Variants in NALF1 observed in about 807,000 individuals in gnomAD.
The protein encoded by NALF1 is NALCN channel auxiliary factor 1.
Under a neutral mutation model 48.4 loss-of-function variants are expected in NALF1, and 3 were observed. The observed-to-expected ratio is 0.06, with a 90% CI of 0.03 to 0.16. The LOEUF is 0.16. Among genes scored for constraint, NALF1 ranks in the 10% least tolerant of loss-of-function variants. The probability of loss-of-function intolerance (pLI) is 1.00; values close to 1 mark genes in which losing one functional copy is unlikely to be tolerated. For missense variants in NALF1, 526 were observed against 571.5 expected (o/e 0.92, Z 0.81); for synonymous variants, 262 against 245.7 (o/e 1.07, Z -0.62).
intron 1 of NALF1, among the ~76,000 whole-genome samples, chr13:107,300,368 C>T: frequency 6.6e-6 from 1 of 152,156 alleles, no homozygotes; most frequent in Admixed American, 6.5e-5. Context: ...CCTGCATTTG[C>T]AGCCTCAGGC....
At chr13:107,671,502 T>C (rs902944624) in intron 1 of NALF1, among the ~76,000 whole-genome samples, 3 of 152,106 alleles carry the variant, frequency 2.0e-5, no homozygotes, top group Non-Finnish European at 4.4e-5. Flanking sequence ...AGAAAATCAA[T>C]GTACATAGTT....
At chr13:107,849,059 T>C (rs1434879498) in intron 1 of NALF1, among the ~76,000 whole-genome samples, 3 of 152,194 alleles carry the variant, frequency 2.0e-5, no homozygotes, top group Non-Finnish European at 4.4e-5. Context: ...CCCATTTTAT[T>C]GCGTTCTAGA....
At chr13:107,235,410 AC>A (rs1282777140) in intron 1 of NALF1, among the ~76,000 whole-genome samples, 2 of 152,170 alleles carry the variant, frequency 1.3e-5, no homozygotes, top group Non-Finnish European at 2.9e-5. Context: ...CTTGATATAC[AC>A]AGGGGATCAG....
At chr13:107,654,689 C>CA (rs967848616) in intron 1 of NALF1, among the ~76,000 whole-genome samples, 77 of 142,012 alleles carry the variant, frequency 5.4e-4, no homozygotes, top group African/African-American at 1.2e-3. Flanking sequence ...AAGGACATAA[C>CA]AAAAAAAAAA....
At chr13:107,561,757 T>C in intron 1 of NALF1, among the ~76,000 whole-genome samples, 1 of 152,238 alleles carries the variant, frequency 6.6e-6, no homozygotes, top group East Asian at 1.9e-4. Flanking sequence ...TCTTCCCCAC[T>C]TCCTGTGAAG....
intron 2 of NALF1, among the ~76,000 whole-genome samples, chr13:107,194,359 T>C (rs548290692): frequency 9.8e-5 from 15 of 152,306 alleles, no homozygotes; most frequent in Non-Finnish European, 2.1e-4. Context: ...AACAGCATGG[T>C]ATGCATAGAA....
intron 1 of NALF1, among the ~76,000 whole-genome samples, chr13:107,305,228 AT>A (rs1291801738): frequency 2.0e-5 from 3 of 152,116 alleles, no homozygotes; most frequent in Non-Finnish European, 2.9e-5. Flanking sequence ...CAAAAAGCAT[AT>A]TTTTTTCTTC....
At chr13:107,797,851 T>C (rs1878481225) in intron 1 of NALF1, among the ~76,000 whole-genome samples, 1 of 152,150 alleles carries the variant, frequency 6.6e-6, no homozygotes, top group African/African-American at 2.4e-5. Context: ...TGAACCATAC[T>C]TTTTGTTATT....
At chr13:107,182,249 TGTCC>T (rs1244206010) in intron 2 of NALF1, among the ~76,000 whole-genome samples, 43 of 93,464 alleles carry the variant, frequency 4.6e-4, no homozygotes, top group Admixed American at 3.8e-3. Flanking sequence ...TGTGTGTGTG[TGTCC>T]GTGTGTGTGT....
At chr13:107,338,413 G>A (rs892204993) in intron 1 of NALF1, among the ~76,000 whole-genome samples, 1 of 96,222 alleles carries the variant, frequency 1.0e-5, no homozygotes, top group African/African-American at 2.7e-5. Context: ...TTATCCTTTC[G>A]CCTTTCTCAA....
At chr13:107,361,129 C>A (rs1307687378) in intron 1 of NALF1, among the ~76,000 whole-genome samples, 2 of 152,328 alleles carry the variant, frequency 1.3e-5, no homozygotes, top group South Asian at 2.1e-4. Context: ...GCATTCTTCA[C>A]TTCTCAATTC....
In NALF1 at chr13:107,708,538, T is replaced by C. The variant is rs186760605; in HGVS notation, c.915+157144A>G. On this transcript the variant is annotated intron_variant, in intron 1 of 2. Coordinates refer to ENST00000375915, the MANE Select transcript of NALF1 (RefSeq NM_001080396.3). ...CAAGCTGTAATTATTTTAAGAGAGA[T>C]ATAGGTCAAGTCTCACTGTGGTTTA... 2.3e-3 allele frequency among the ~76,000 whole-genome samples: 303 copies of C among 130,090 alleles called. 1 individual carries two copies. The highest frequency in any genetic ancestry group is 3.8e-3 in the Non-Finnish European group (219 of 57,960). 85.3% of individuals were successfully genotyped at this position (130,090 alleles called of 152,430 possible).
chr13:107,251,631 T>C (rs1880703286), intron 1 of NALF1, among the ~76,000 whole-genome samples: 2 of 151,994 alleles, frequency 1.3e-5, no homozygotes, highest in South Asian at 2.1e-4. Flanking sequence ...GGTAGGGGAG[T>C]GCAGAATTCT....
chr13:107,382,521 G>A (rs9587365), intron 1 of NALF1, among the ~76,000 whole-genome samples: 88,306 of 152,066 alleles, frequency 0.58, 25,924 homozygotes, highest in Middle Eastern at 0.66. Context: ...TTACATAACT[G>A]TAGTTTATCA....
At chr13:107,660,436 A>AACACACAC (rs201215515) in intron 1 of NALF1, among the ~76,000 whole-genome samples, 2 of 93,632 alleles carry the variant, frequency 2.1e-5, no homozygotes, top group African/African-American at 1.1e-4. Flanking sequence ...CTGTCTCAAA[A>AACACACAC]ACACACACAC....
intron 2 of NALF1, among the ~76,000 whole-genome samples, chr13:107,180,877 G>A (rs1250635052): frequency 6.6e-6 from 1 of 151,628 alleles, no homozygotes; most frequent in East Asian, 1.9e-4. Flanking sequence ...TGTGGATAAT[G>A]TTTCCTAAAG....
At chr13:107,701,039 T>A (rs960288701) in intron 1 of NALF1, among the ~76,000 whole-genome samples, 1 of 152,142 alleles carries the variant, frequency 6.6e-6, no homozygotes, top group Non-Finnish European at 1.5e-5. Context: ...TTAATGGGAA[T>A]GTAGGTTGAT....
Position 107,606,080 on chromosome 13 carries a change from T to TG in NALF1, c.915+259601_915+259602insC, listed in dbSNP as rs549727024. Among the ~76,000 whole-genome samples the TG allele has an allele frequency of 4.8e-3, 732 of 152,240 alleles. 2 individuals are homozygous for TG. The highest frequency in any genetic ancestry group is 6.9e-3 in the Non-Finnish European group (469 of 68,008). On this transcript the variant is annotated intron_variant, in intron 1 of 2. Coordinates refer to ENST00000375915, the MANE Select transcript of NALF1 (RefSeq NM_001080396.3). ...ATATATACAGTGCAGGCAAAATGTGTTTTCCATTGCCTAAATTCACATGTA... is the reference window on the plus strand; with the variant it reads ...ATATATACAGTGCAGGCAAAATGTGTGTTTCCATTGCCTAAATTCACATGTA...
intron 1 of NALF1, among the ~76,000 whole-genome samples, chr13:107,267,670 G>T (rs1378421556): frequency 6.6e-6 from 1 of 152,184 alleles, no homozygotes; most frequent in Admixed American, 6.5e-5. Flanking sequence ...CTACGAAGAA[G>T]TTTAAAAGAT....
Sources: gnomAD v4.1 joint callset for allele counts (sites outside exome capture counted in the v4.1 genomes callset) on GRCh38, gnomAD v4.1.1 for gene constraint, MANE v1.5 for transcripts, NCBI Gene and HGNC (gene_info 2026-07-23, HGNC 2026-07-21) for gene names.